Variants in METTL8 observed in about 807,000 individuals in gnomAD.
METTL8 encodes tRNA N(3)-cytidine methyltransferase METTL8, mitochondrial.
METTL8 carries 32 observed loss-of-function variants against 48.7 expected under a neutral mutation model. The ratio of observed to expected loss-of-function variants is 0.66; its 90% CI spans 0.50 to 0.88. The LOEUF (loss-of-function observed/expected upper bound fraction) is 0.88, where lower values mean the gene tolerates loss of function less well. Ranked by LOEUF, METTL8 falls within the 40% of genes least tolerant of loss-of-function variation. The pLI, the probability that METTL8 is intolerant of heterozygous loss-of-function variation, is 0.00. For missense variants in METTL8, 464 were observed against 474.4 expected (o/e 0.98, Z 0.20); for synonymous variants, 136 against 157.1 (o/e 0.87, Z 1.01).
intron 2 of METTL8, among the ~76,000 whole-genome samples, chr2:171,385,638 G>C (rs762716931): frequency 3.2e-4 from 48 of 152,200 alleles, no homozygotes; most frequent in Non-Finnish European, 5.9e-4. Context: ...GGTGCAGACT[G>C]GCCAACCCCT....
chr2:171,426,483 T>C (rs1305407858), intron 1 of METTL8, among the ~76,000 whole-genome samples: 2 of 152,220 alleles, frequency 1.3e-5, no homozygotes, highest in African/African-American at 4.8e-5. Flanking sequence ...AAGTTGATGA[T>C]AAGTATATGG....
intron 1 of METTL8, among the ~76,000 whole-genome samples, chr2:171,392,440 C>T (rs1315625989): frequency 6.6e-6 from 1 of 152,152 alleles, no homozygotes; most frequent in Non-Finnish European, 1.5e-5. Context: ...CCTTGACCAA[C>T]TTTGCTTTGT....
At chr2:171,411,841 G>T (rs1379531613) in intron 1 of METTL8, among the ~76,000 whole-genome samples, 3 of 152,104 alleles carry the variant, frequency 2.0e-5, no homozygotes, top group Non-Finnish European at 2.9e-5. Flanking sequence ...TTAAATGTAT[G>T]GGAAAATATG....
At chr2:171,359,333 A>G (rs951518468) in intron 3 of METTL8, among the ~76,000 whole-genome samples, 1 of 152,182 alleles carries the variant, frequency 6.6e-6, no homozygotes, top group Non-Finnish European at 1.5e-5. Context: ...CACCTAACAT[A>G]GCGTATATCA....
chr2:171,379,469 C>T (rs1469079413), intron 2 of METTL8, among the ~76,000 whole-genome samples: 1 of 151,434 alleles, frequency 6.6e-6, no homozygotes, highest in Non-Finnish European at 1.5e-5. Flanking sequence ...TCAATGAATC[C>T]AGGAGCTGGT....
At chr2:171,359,548 A>T (rs73021081) in intron 3 of METTL8, among the ~76,000 whole-genome samples, 12 of 152,162 alleles carry the variant, frequency 7.9e-5, no homozygotes, top group African/African-American at 2.4e-4. Context: ...AATATATCAA[A>T]GAGATAACTG....
chr2:171,392,806 T>C (rs190574214), intron 1 of METTL8, among the ~76,000 whole-genome samples: 4 of 152,078 alleles, frequency 2.6e-5, no homozygotes, highest in Non-Finnish European at 5.9e-5. Flanking sequence ...CTGAACAAAA[T>C]GCATGCTTTG....
At position 171,321,040 on chromosome 2, in the gene METTL8, C is replaced by T. The variant is rs1297236573; in HGVS notation, c.*3132G>A. Reference sequence around the variant, plus strand: ...TCCCACACCACACTTGTCTTCTCACCATCTGCTGAGAATGTACATTCAAGA... The same window carrying T: ...TCCCACACCACACTTGTCTTCTCACTATCTGCTGAGAATGTACATTCAAGA... On this transcript the variant is annotated 3_prime_UTR_variant, in exon 10 of 10. Coordinates refer to ENST00000375258, the MANE Select transcript of METTL8 (RefSeq NM_001321154.2). 6.6e-6 allele frequency: 1 copy of T among 152,190 alleles called. No individual in the cohort carries two copies. Among genetic ancestry groups the T allele is most frequent in the African/African-American group, 2.4e-5 (1 of 41,432 alleles). The allele number at this position is 152,190 out of a possible 1,614,324, so 9.4% of individuals were successfully genotyped here. A position where few individuals can be genotyped will look rare whatever the true frequency, so the allele number is the denominator to read the frequency against.
chr2:171,367,762 G>A (rs974349871), intron 2 of METTL8, among the ~76,000 whole-genome samples: 1 of 152,180 alleles, frequency 6.6e-6, no homozygotes, highest in Non-Finnish European at 1.5e-5. Context: ...TTGGAGGGAT[G>A]ACAAGTAGAA....
intron 2 of METTL8, among the ~76,000 whole-genome samples, chr2:171,364,368 C>A (rs1019748334): frequency 6.6e-6 from 1 of 151,652 alleles, no homozygotes; most frequent in African/African-American, 2.4e-5. Context: ...AGCCATCAAC[C>A]CTTATAATAA....
intron 2 of METTL8, among the ~76,000 whole-genome samples, chr2:171,377,009 T>C (rs1361689356): frequency 6.6e-6 from 1 of 152,140 alleles, no homozygotes; most frequent in Non-Finnish European, 1.5e-5. Context: ...TATAGACCAA[T>C]GGAACAGAAT....
intron 7 of METTL8, chr2:171,326,368 A>C: frequency 6.3e-6 from 3 of 472,444 alleles, no homozygotes; most frequent in Non-Finnish European, 1.1e-5. Context: ...AGTATCAAGA[A>C]ATCACCCAAA....
In METTL8 at chr2:171,358,286, G is replaced by A. The variant is rs546474897; in HGVS notation, c.235+2136C>T. ...GAATTGCTTGAGCCTGGGAGGCAGA[G>A]GTTGCAGTGAGCTGAGATCCTGCCA... On this transcript the variant is annotated intron_variant, in intron 3 of 9. Transcript: ENST00000375258. Among the ~76,000 whole-genome samples, 46 of 151,832 alleles carry A rather than the reference G, an allele frequency of 3.0e-4. 1 individual carries two copies. The highest frequency in any genetic ancestry group is 5.7e-4 in the Non-Finnish European group (39 of 67,946).
In METTL8 at chr2:171,375,125, C is replaced by T. The variant is rs1469902454; in HGVS notation, c.144-14612G>A. On this transcript the variant is annotated intron_variant, in intron 2 of 9. Coordinates refer to ENST00000375258, the MANE Select transcript of METTL8 (RefSeq NM_001321154.2). ...TTGAAGACGCTCACTTCAGAAATGT[C>T]CCTGACTGCTGCGGCCTCCACTACG... 7 of 1,412,010 alleles carry T rather than the reference C, an allele frequency of 5.0e-6. No individual in the cohort carries two copies. In the Admixed American group the frequency reaches 1.2e-4, roughly 24 times the overall value. The allele number at this position is 1,412,010 out of a possible 1,614,324, so 87.5% of individuals were successfully genotyped here.
At chr2:171,374,223 G>A (rs1559133168) in intron 2 of METTL8, among the ~76,000 whole-genome samples, 1 of 152,134 alleles carries the variant, frequency 6.6e-6, no homozygotes, top group Non-Finnish European at 1.5e-5. Flanking sequence ...TTGTGAATGG[G>A]AGTTTACTCA....
chr2:171,336,488 G>T (rs1686125366), intron 5 of METTL8, among the ~76,000 whole-genome samples: 1 of 136,008 alleles, frequency 7.4e-6, no homozygotes, highest in Non-Finnish European at 1.6e-5. Context: ...TGCAAGCTCG[G>T]CCTCCCGGGT....
chr2:171,433,517 G>T (rs1368568229), intron 1 of METTL8, among the ~76,000 whole-genome samples: 1 of 152,192 alleles, frequency 6.6e-6, no homozygotes, highest in Non-Finnish European at 1.5e-5. Context: ...CAAGCTTGCT[G>T]AAAGTTTAGT....
At chr2:171,367,006 G>C (rs1685797086) in intron 2 of METTL8, among the ~76,000 whole-genome samples, 1 of 151,310 alleles carries the variant, frequency 6.6e-6, no homozygotes, top group African/African-American at 2.4e-5. Context: ...GAGACACAAA[G>C]ATTGAAAAAA....
intron 1 of METTL8, among the ~76,000 whole-genome samples, chr2:171,407,634 T>A (rs1690326050): frequency 6.6e-6 from 1 of 152,330 alleles, no homozygotes; most frequent in Admixed American, 6.5e-5. Context: ...TAGATCTCCA[T>A]CCCTTGCTCT....
Sources: gnomAD v4.1 joint callset for allele counts (sites outside exome capture counted in the v4.1 genomes callset) on GRCh38, gnomAD v4.1.1 for gene constraint, MANE v1.5 for transcripts, NCBI Gene and HGNC (gene_info 2026-07-23, HGNC 2026-07-21) for gene names.